The following F13A1 variants were observed in gnomAD, a reference collection of about 807,000 sequenced individuals.
F13A1 encodes the protein coagulation factor XIII A chain, also known as FSF, A subunit.
In F13A1, 47 loss-of-function variants were observed where a neutral mutation model predicts 80.1. That is an observed-to-expected ratio of 0.59 (90% confidence interval 0.46 to 0.75). The LOEUF (loss-of-function observed/expected upper bound fraction) is 0.75. F13A1 is among the 30% of genes least tolerant of loss of function. The pLI is 0.00. For synonymous variants in F13A1, 349 were observed against 344.9 expected (o/e 1.01, Z -0.13); for missense variants, 817 against 930.4 (o/e 0.88, Z 1.59).
intron 4 of F13A1, among the ~76,000 whole-genome samples, chr6:6,260,950 T>C (rs1056358578): frequency 1.3e-5 from 2 of 152,086 alleles, no homozygotes; most frequent in Non-Finnish European, 2.9e-5. Context: ...TATAATCTCC[T>C]GAGGTTTTTT....
intron 10 of F13A1, among the ~76,000 whole-genome samples, chr6:6,190,213 T>A (rs11751364): frequency 6.6e-6 from 1 of 152,056 alleles, no homozygotes; most frequent in Non-Finnish European, 1.5e-5. Flanking sequence ...TGAAGCCTTC[T>A]TCTCTCAGCT....
At chr6:6,254,645 G>A (rs1757680274) in intron 4 of F13A1, among the ~76,000 whole-genome samples, 1 of 152,104 alleles carries the variant, frequency 6.6e-6, no homozygotes, top group African/African-American at 2.4e-5. Context: ...GGTTTTCCCT[G>A]GGGATTCTCT....
chr6:6,159,464 T>A (rs1309061895), intron 13 of F13A1, among the ~76,000 whole-genome samples: 2 of 152,142 alleles, frequency 1.3e-5, no homozygotes, highest in African/African-American at 2.4e-5. Context: ...TTGGAAGAGA[T>A]CTGGACATGG....
intron 14 of F13A1, 93 bp from the exon 15 acceptor site, chr6:6,145,865 T>G (rs551181232): frequency 6.4e-7 from 1 of 1,561,268 alleles, no homozygotes; most frequent in African/African-American, 1.4e-5. Flanking sequence ...TCACTTGCTT[T>G]CTTTCTCTCA....
intron 7 of F13A1, among the ~76,000 whole-genome samples, chr6:6,223,039 G>T (rs1757221831): frequency 6.6e-6 from 1 of 152,126 alleles, no homozygotes; most frequent in African/African-American, 2.4e-5. Flanking sequence ...TAAAACGATT[G>T]CCACTCTCAT....
chr6:6,146,373 A>G (rs1323634185), intron 14 of F13A1, among the ~76,000 whole-genome samples: 1 of 152,150 alleles, frequency 6.6e-6, no homozygotes, highest in African/African-American at 2.4e-5. Flanking sequence ...CCCTCCACCT[A>G]TGCAACTTTC....
chr6:6,216,245 C>T (rs1757086097), intron 8 of F13A1, among the ~76,000 whole-genome samples: 1 of 152,018 alleles, frequency 6.6e-6, no homozygotes, highest in African/African-American at 2.4e-5. Context: ...AAGAACAAAG[C>T]TGGAGGCATC....
chr6:6,211,818 C>T (rs941388641), intron 8 of F13A1, among the ~76,000 whole-genome samples: 5 of 152,212 alleles, frequency 3.3e-5, no homozygotes, highest in East Asian at 1.9e-4. Flanking sequence ...TTAGTGGGTG[C>T]GCGCACCATG....
At chr6:6,161,014 C>A (rs1165005604) in intron 13 of F13A1, among the ~76,000 whole-genome samples, 1 of 152,122 alleles carries the variant, frequency 6.6e-6, no homozygotes, top group Non-Finnish European at 1.5e-5. Context: ...CCTGCAAAGG[C>A]TGCAGGACTT....
intron 6 of F13A1, among the ~76,000 whole-genome samples, chr6:6,245,275 T>G (rs1757539380): frequency 1.3e-5 from 2 of 152,142 alleles, no homozygotes; most frequent in Admixed American, 1.3e-4. Flanking sequence ...TACTCTTGAG[T>G]GCAATGGTGT....
intron 3 of F13A1, among the ~76,000 whole-genome samples, chr6:6,292,050 G>A (rs993542787): frequency 2.6e-5 from 4 of 152,130 alleles, no homozygotes; most frequent in Non-Finnish European, 4.4e-5. Flanking sequence ...CCAAATTGAG[G>A]TCCCAGCACT....
chr6:6,275,869 G>T (rs576896701), intron 3 of F13A1, among the ~76,000 whole-genome samples: 3 of 152,190 alleles, frequency 2.0e-5, no homozygotes, highest in Non-Finnish European at 4.4e-5. Flanking sequence ...TAACCCACAT[G>T]TGTGTTGCCT....
chr6:6,169,051 A>G (rs1760726956), intron 12 of F13A1, among the ~76,000 whole-genome samples: 1 of 152,160 alleles, frequency 6.6e-6, no homozygotes, highest in Non-Finnish European at 1.5e-5. Flanking sequence ...TCATGGCTCT[A>G]TATCACAATC....
intron 13 of F13A1, among the ~76,000 whole-genome samples, chr6:6,156,490 A>G (rs1043055852): frequency 6.6e-6 from 1 of 152,240 alleles, no homozygotes; most frequent in Non-Finnish European, 1.5e-5. Context: ...TACATGATTT[A>G]TTAGCACACC....
chr6:6,269,588 C>T (rs2113127838), intron 3 of F13A1, among the ~76,000 whole-genome samples: 1 of 152,196 alleles, frequency 6.6e-6, no homozygotes, highest in Admixed American at 6.5e-5. Flanking sequence ...CCCATTCAAT[C>T]ATAATTTCTG....
intron 6 of F13A1, among the ~76,000 whole-genome samples, chr6:6,234,490 C>G (rs1288303781): frequency 1.3e-5 from 2 of 151,872 alleles, no homozygotes; most frequent in Non-Finnish European, 2.9e-5. Context: ...ATAACAGATT[C>G]AGGGGTGAGA....
At chr6:6,160,462 G>A (rs1760553746) in intron 13 of F13A1, among the ~76,000 whole-genome samples, 1 of 151,790 alleles carries the variant, frequency 6.6e-6, no homozygotes, top group African/African-American at 2.4e-5. Context: ...TCAACTTCCT[G>A]AGTAGCTGGG....
rs893640884 is a variant in F13A1 at position 6,185,077 on chromosome 6, A to G, written c.1306-2936T>C. On this transcript the variant is annotated intron_variant, in intron 10 of 14. Transcript: ENST00000264870. ...ATAGATAAGTTCAGAGTGTATGGCA[A>G]GGATTATTGGACTTAGGCTGTGTGG... 7.8e-4 allele frequency among the ~76,000 whole-genome samples: 119 copies of G among 152,088 alleles called. 9 individuals are homozygous for G. Among genetic ancestry groups the G allele is most frequent in the Admixed American group, 6.5e-5 (1 of 15,268 alleles).
intron 6 of F13A1, among the ~76,000 whole-genome samples, chr6:6,227,796 G>C (rs1011750559): frequency 6.6e-6 from 1 of 152,118 alleles, no homozygotes; most frequent in African/African-American, 2.4e-5. Context: ...CTAAGGGGAA[G>C]AGTAAGGAAA....
Sources: gnomAD v4.1 joint callset for allele counts (sites outside exome capture counted in the v4.1 genomes callset) on GRCh38, gnomAD v4.1.1 for gene constraint, MANE v1.5 for transcripts, NCBI Gene and HGNC (gene_info 2026-07-23, HGNC 2026-07-21) for gene names.